Variants in ZNHIT6 observed in about 807,000 individuals in gnomAD.
ZNHIT6 encodes box C/D snoRNA protein 1.
ZNHIT6 carries 45 observed loss-of-function variants against 57.2 expected under a neutral mutation model. The observed-to-expected ratio is 0.79, with a 90% CI of 0.62 to 1.01. The LOEUF (loss-of-function observed/expected upper bound fraction) is 1.01. ZNHIT6 is among the 50% of genes least tolerant of loss of function. The pLI, the probability that ZNHIT6 is intolerant of heterozygous loss-of-function variation, is 0.00. For missense variants in ZNHIT6, 528 were observed against 567.3 expected (o/e 0.93, Z 0.70); for synonymous variants, 188 against 190.0 (o/e 0.99, Z 0.09).
intron 5 of ZNHIT6, among the ~76,000 whole-genome samples, chr1:85,697,543 C>CA (rs2100711913): frequency 6.6e-6 from 1 of 152,214 alleles, no homozygotes; most frequent in South Asian, 2.1e-4. Context: ...ACCAGCAAAC[C>CA]AAATATACTA....
chr1:85,708,376 G>A lies in ZNHIT6; in HGVS notation c.-92C>T. 1 of 1,474,530 alleles carries A rather than the reference G, an allele frequency of 6.8e-7. No individual in the cohort carries two copies. The highest frequency in any genetic ancestry group is 9.0e-7 in the Non-Finnish European group (1 of 1,109,128). The allele number at this position is 1,474,530 out of a possible 1,614,324, so 91.3% of individuals were successfully genotyped here. ...GGAATTACCGGTCGGAATACCTACG[G>A]CGGCCCACGTGTGGAGCCAAGCAGC... On this transcript the variant is annotated 5_prime_UTR_variant, in exon 1 of 10. Coordinates refer to ENST00000370574, the MANE Select transcript of ZNHIT6 (RefSeq NM_017953.4).
At chr1:85,700,545 C>T (rs547164385) in intron 5 of ZNHIT6, among the ~76,000 whole-genome samples, 5 of 152,030 alleles carry the variant, frequency 3.3e-5, no homozygotes, top group Non-Finnish European at 5.9e-5. Flanking sequence ...AAAAACTTCC[C>T]GCATACATTC....
chr1:85,678,202 GTACTT>G (rs1661760959), intron 7 of ZNHIT6, among the ~76,000 whole-genome samples: 1 of 152,118 alleles, frequency 6.6e-6, no homozygotes, highest in Admixed American at 6.5e-5. Context: ...GAGGCAGAGT[GTACTT>G]TACTTAGTTC....
chr1:85,706,243 G>A lies in ZNHIT6; in HGVS notation c.829+6C>T, dbSNP rs371489551. 4.2e-5 allele frequency: 68 copies of A among 1,610,386 alleles called. No homozygotes were observed. Among genetic ancestry groups the A allele is most frequent in the Non-Finnish European group, 5.5e-5 (65 of 1,177,672 alleles). ...GCCTCAATTTGCTATGCATAAAGTGGCTTACCACTTAGGAGATTCATTTCA... is the reference window on the plus strand; with the variant it reads ...GCCTCAATTTGCTATGCATAAAGTGACTTACCACTTAGGAGATTCATTTCA... On this transcript the variant is annotated splice_donor_region_variant and intron_variant, in intron 3 of 9. Coordinates refer to ENST00000370574, the MANE Select transcript of ZNHIT6 (RefSeq NM_017953.4).
intron 5 of ZNHIT6, among the ~76,000 whole-genome samples, chr1:85,700,635 T>C (rs1216888483): frequency 6.6e-6 from 1 of 152,230 alleles, no homozygotes; most frequent in Non-Finnish European, 1.5e-5. Flanking sequence ...ATTACAATCA[T>C]TCTGAATAGT....
intron 5 of ZNHIT6, among the ~76,000 whole-genome samples, chr1:85,694,521 G>A (rs778137569): frequency 1.9e-4 from 28 of 150,218 alleles, no homozygotes; most frequent in Non-Finnish European, 3.5e-4. Flanking sequence ...GAGTGCAGTT[G>A]CACAATCTTG....
rs1422826645 is a variant in ZNHIT6, at chr1:85,708,397, G to A, written c.-113C>T. The A allele has an allele frequency of 2.9e-6, 4 of 1,366,054 alleles. No individual in the cohort carries two copies. Among genetic ancestry groups the A allele is most frequent in the East Asian group, 4.8e-5 (2 of 41,644 alleles). The allele number at this position is 1,366,054 out of a possible 1,614,324, so 84.6% of individuals were successfully genotyped here. ...TACGGCGGCCCACGTGTGGAGCCAA[G>A]CAGCCACAAACCCGGAATAGCCTGC... On this transcript the variant is annotated 5_prime_UTR_variant, in exon 1 of 10. Transcript: ENST00000370574.
rs1487246052 is a variant in ZNHIT6 at position 85,678,682 on chromosome 1, C to T, written c.1169+19G>A. 1 of 1,487,698 alleles carries T rather than the reference C, an allele frequency of 6.7e-7. No homozygotes were observed. The allele number at this position is 1,487,698 out of a possible 1,614,324, so 92.2% of individuals were successfully genotyped here. On this transcript the variant is annotated intron_variant, in intron 7 of 9. Coordinates refer to ENST00000370574, the MANE Select transcript of ZNHIT6 (RefSeq NM_017953.4). ...CATTTTTAATTATTTCAGAAAGTTA[C>T]AATATTTTTGAAGCATACCTTTGAC...
chr1:85,693,288 C>T (rs1052811899), intron 5 of ZNHIT6, among the ~76,000 whole-genome samples: 1 of 151,986 alleles, frequency 6.6e-6, no homozygotes, highest in Non-Finnish European at 1.5e-5. Flanking sequence ...GGATTATTTA[C>T]ACAGATGAGA....
intron 5 of ZNHIT6, among the ~76,000 whole-genome samples, chr1:85,691,966 C>G (rs1662234345): frequency 6.6e-6 from 1 of 151,604 alleles, no homozygotes; most frequent in South Asian, 2.1e-4. Context: ...GTCAGGAGTT[C>G]AAGACCAGCC....
At chr1:85,663,249 A>G (rs949911616) in intron 8 of ZNHIT6, among the ~76,000 whole-genome samples, 3 of 152,218 alleles carry the variant, frequency 2.0e-5, no homozygotes, top group Non-Finnish European at 4.4e-5. Flanking sequence ...AGGAAATGAC[A>G]TACTTATCAG....
At chr1:85,676,586 G>T (rs1018800750) in intron 8 of ZNHIT6, among the ~76,000 whole-genome samples, 3 of 152,122 alleles carry the variant, frequency 2.0e-5, no homozygotes, top group African/African-American at 7.2e-5. Flanking sequence ...GCCATTGTGT[G>T]GTTATTAATT....
At chr1:85,704,093 T>C (rs183721310) in intron 4 of ZNHIT6, among the ~76,000 whole-genome samples, 8 of 152,244 alleles carry the variant, frequency 5.3e-5, no homozygotes, top group Admixed American at 4.6e-4. Flanking sequence ...AGCCAACAGA[T>C]TGACAAAAAT....
chr1:85,665,957 C>T (rs1338350935), intron 8 of ZNHIT6, among the ~76,000 whole-genome samples: 1 of 152,164 alleles, frequency 6.6e-6, no homozygotes, highest in Non-Finnish European at 1.5e-5. Context: ...GTATCTTACT[C>T]AGGGTCTCTC....
intron 5 of ZNHIT6, among the ~76,000 whole-genome samples, chr1:85,686,348 T>C (rs1240106436): frequency 1.3e-5 from 2 of 152,138 alleles, no homozygotes; most frequent in Non-Finnish European, 2.9e-5. Context: ...AAAAAAAATA[T>C]ATATTTCTCT....
At chr1:85,704,673 T>C (rs544796373) in intron 4 of ZNHIT6, among the ~76,000 whole-genome samples, 55 of 152,256 alleles carry the variant, frequency 3.6e-4, no homozygotes, top group African/African-American at 1.2e-3. Context: ...CTAATTAAGT[T>C]TGAGGAAAAA....
At chr1:85,696,364 C>CT (rs994646606) in intron 5 of ZNHIT6, among the ~76,000 whole-genome samples, 1 of 151,768 alleles carries the variant, frequency 6.6e-6, no homozygotes, top group Non-Finnish European at 1.5e-5. Context: ...AACTCCAATT[C>CT]TTTTTTTTCA....
At chr1:85,693,048 CA>C (rs1662262919) in intron 5 of ZNHIT6, among the ~76,000 whole-genome samples, 1 of 152,004 alleles carries the variant, frequency 6.6e-6, no homozygotes, top group African/African-American at 2.4e-5. Context: ...AACCCTAGTT[CA>C]AAAGAATAAA....
intron 5 of ZNHIT6, among the ~76,000 whole-genome samples, chr1:85,696,852 CTT>C (rs67507264): frequency 4.6e-4 from 52 of 113,660 alleles, no homozygotes; most frequent in Middle Eastern, 5.5e-3. Context: ...ACCATCTATT[CTT>C]TTTTTTTTTT....
Sources: allele counts gnomAD v4.1 joint callset (sites outside exome capture counted in the v4.1 genomes callset), GRCh38; gene constraint gnomAD v4.1.1; transcripts MANE v1.5; gene names NCBI Gene and HGNC (gene_info 2026-07-23, HGNC 2026-07-21).